The following RELCH variants were observed in gnomAD, a reference collection of about 807,000 sequenced individuals.
RELCH encodes the protein RAB11-binding protein RELCH.
A neutral mutation model predicts 150.3 loss-of-function variants in RELCH; 41 were observed. That is an observed-to-expected ratio of 0.27 (90% CI 0.21 to 0.35). The LOEUF (loss-of-function observed/expected upper bound fraction) is 0.35, where lower values mean the gene tolerates loss of function less well. RELCH is among the 10% of genes least tolerant of loss of function. RELCH has a pLI of 1.00. For missense variants in RELCH, 1,092 were observed against 1,467.8 expected (o/e 0.74, Z 4.18); for synonymous variants, 478 against 531.8 (o/e 0.90, Z 1.39).
At chr18:62,218,943 A>G (rs1003308553) in intron 2 of RELCH, among the ~76,000 whole-genome samples, 1 of 151,976 alleles carries the variant, frequency 6.6e-6, no homozygotes, top group African/African-American at 2.4e-5. Flanking sequence ...TGTAAATACA[A>G]CATTGCTATT....
At chr18:62,255,088 C>G (rs1223663609) in intron 12 of RELCH, among the ~76,000 whole-genome samples, 1 of 152,110 alleles carries the variant, frequency 6.6e-6, no homozygotes, top group Non-Finnish European at 1.5e-5. Flanking sequence ...TCTACTCTTG[C>G]TAGGGAAAGG....
chr18:62,218,259 A>C (rs1260819274), intron 2 of RELCH, among the ~76,000 whole-genome samples: 1 of 151,970 alleles, frequency 6.6e-6, no homozygotes, highest in Non-Finnish European at 1.5e-5. Context: ...ATAGCAAAAT[A>C]GATGACTCAG....
chr18:62,229,940 T>G (rs955839925), intron 8 of RELCH, among the ~76,000 whole-genome samples: 1 of 151,908 alleles, frequency 6.6e-6, no homozygotes, highest in Admixed American at 6.6e-5. Context: ...ATTTTAGAGG[T>G]TGGGACATGA....
intron 18 of RELCH, 59 bp downstream of exon 18, chr18:62,264,911 A>T: frequency 3.8e-6 from 5 of 1,314,926 alleles, no homozygotes; most frequent in Non-Finnish European, 5.3e-6. Flanking sequence ...GTAATGTGTT[A>T]ACACTGTAAC....
At position 62,291,774 on chromosome 18, in the gene RELCH, T is replaced by C. The variant is rs940237910; in HGVS notation, c.3459+143T>C. The C allele has an allele frequency of 2.2e-5, 13 of 596,880 alleles. No homozygotes were observed. The Admixed American group carries it at 4.2e-4, about 19-fold the overall frequency. The allele number at this position is 596,880 out of a possible 1,614,324, so 37.0% of individuals were successfully genotyped here. Reference sequence around the variant, plus strand: ...TCATTTTATCGATTTATTTACTAGATGCGATATCTTCAGCAACTCCTTTCA... The same window carrying C: ...TCATTTTATCGATTTATTTACTAGACGCGATATCTTCAGCAACTCCTTTCA... On this transcript the variant is annotated intron_variant, in intron 27 of 28. Transcript: ENST00000644646.
rs2045964148 is a variant in RELCH, at chr18:62,309,974, C to G, written c.*4440C>G. The G allele has an allele frequency of 2.6e-5, 4 of 152,112 alleles. No individual in the cohort carries two copies. 9.4% of individuals were successfully genotyped at this position (152,112 alleles called of 1,614,324 possible). The stretch of plus-strand genomic sequence containing the variant: ...CTGCTTCCCTCCTGGAAAAGTAACC[C>G]TTTCTTAATTGTTGGCATTTTAAAC... On this transcript the variant is annotated 3_prime_UTR_variant, in exon 29 of 29. Coordinates refer to ENST00000644646, the MANE Select transcript of RELCH (RefSeq NM_001346231.2).
At chr18:62,188,123 G>A (rs935139308) in intron 1 of RELCH, 92 bp downstream of exon 1, 142 of 1,351,556 alleles carry the variant, frequency 1.1e-4, no homozygotes, top group Non-Finnish European at 1.3e-4. Context: ...CGTGGGTCCC[G>A]ATAGGGACAT....
At chr18:62,196,562 A>G (rs2039065314) in intron 1 of RELCH, among the ~76,000 whole-genome samples, 1 of 152,154 alleles carries the variant, frequency 6.6e-6, no homozygotes. Flanking sequence ...TATTAAGTTC[A>G]CTGCTTTTAC....
rs781077914 is a variant in RELCH, at chr18:62,227,437, T to TTAC, written c.1008_1010dup (p.Thr337dup). ...GTAGAAGAAGATGAATTAGAGGCCC[T>TTAC]TACACCAATTATAAGCAACCTTCCT... On this transcript the variant is annotated inframe_insertion, in exon 6 of 29. Transcript: ENST00000644646. 1 of 1,613,180 alleles carries TTAC rather than the reference T, an allele frequency of 6.2e-7. No individual in the cohort carries two copies. The highest frequency in any genetic ancestry group is 1.1e-5 in the South Asian group (1 of 91,076).
At chr18:62,217,251 A>T (rs1476670246) in intron 2 of RELCH, among the ~76,000 whole-genome samples, 1 of 151,996 alleles carries the variant, frequency 6.6e-6, no homozygotes, top group Admixed American at 6.6e-5. Context: ...GGGAAAAAAG[A>T]AAAAGAGTTT....
At chr18:62,204,154 C>T (rs770457156) in intron 1 of RELCH, among the ~76,000 whole-genome samples, 13 of 151,938 alleles carry the variant, frequency 8.6e-5, no homozygotes, top group Non-Finnish European at 1.8e-4. Flanking sequence ...GATGATTTAT[C>T]TAGTCTTCTA....
At chr18:62,271,200 A>T (rs1384811957) in intron 20 of RELCH, among the ~76,000 whole-genome samples, 2 of 152,102 alleles carry the variant, frequency 1.3e-5, no homozygotes, top group South Asian at 2.1e-4. Context: ...TAGTTTACAG[A>T]CCCACCAACA....
chr18:62,231,235 G>T lies in RELCH; in HGVS notation c.1490G>T (p.Cys497Phe), dbSNP rs2148430626. The change falls in exon 9 of 29, where the codon TGT (cysteine) becomes TTT (phenylalanine). Residue 497 changes from cysteine to phenylalanine, a missense_variant. Coordinates refer to ENST00000644646, the MANE Select transcript of RELCH (RefSeq NM_001346231.2). ...TTCCATCAAGCACTACTCTCTTTTT[G>T]TCGAATGTCAGCAGATAGTCGTTTA... The part of the protein sequence containing the change: ...PAFHQALLSF[C>F]RMSADSRLGY... 2.5e-6 allele frequency: 4 copies of T among 1,608,194 alleles called. 1 individual carries two copies. In the South Asian group the frequency reaches 4.4e-5, roughly 18 times the overall value.
chr18:62,237,207 A>G (rs1396517167), intron 10 of RELCH, among the ~76,000 whole-genome samples: 2 of 151,832 alleles, frequency 1.3e-5, no homozygotes, highest in Non-Finnish European at 2.9e-5. Flanking sequence ...TGCCTAACTT[A>G]TGGTCTGTCC....
chr18:62,210,815 G>A (rs9320004), intron 1 of RELCH, among the ~76,000 whole-genome samples: 110,170 of 152,072 alleles, frequency 0.72, 40,241 homozygotes, highest in East Asian at 0.91. Context: ...ACTGGATTCT[G>A]TTCTTTCAGT....
chr18:62,207,755 G>T (rs910967850), intron 1 of RELCH, among the ~76,000 whole-genome samples: 1 of 152,164 alleles, frequency 6.6e-6, no homozygotes, highest in African/African-American at 2.4e-5. Flanking sequence ...TTGTACAACT[G>T]TCACCACTCT....
rs564092243 is a variant in RELCH at position 62,252,801 on chromosome 18, CT to C, written c.1824+49del. The stretch of plus-strand genomic sequence containing the variant: ...TCACCTAGCTATTATAGCCTGATTT[CT>C]TAAGAAGATACATAGTTTCCTTTTT... On this transcript the variant is annotated intron_variant, in intron 12 of 28. Transcript: ENST00000644646. 640 of 1,356,454 alleles carry C rather than the reference CT, an allele frequency of 4.7e-4. 3 individuals carry two copies. The African/African-American group carries it at 8.3e-3, about 17-fold the overall frequency. The allele number at this position is 1,356,454 out of a possible 1,614,324, so 84.0% of individuals were successfully genotyped here. A position where few individuals can be genotyped will look rare whatever the true frequency, so the allele number is the denominator to read the frequency against.
intron 9 of RELCH, 47 bp downstream of exon 9, chr18:62,231,316 GTTTTTCTTC>G (rs774725472): frequency 2.6e-5 from 31 of 1,199,754 alleles, no homozygotes; most frequent in Non-Finnish European, 2.9e-5. Flanking sequence ...ACATTCTACT[GTTTTTCTTC>G]TTTTTAAGTT....
intron 10 of RELCH, chr18:62,235,540 G>T (rs1246153664): frequency 1.3e-5 from 2 of 151,962 alleles, no homozygotes; most frequent in African/African-American, 4.8e-5. Flanking sequence ...GATCTCTTTG[G>T]GAGTATTGTC....
Sources: allele counts gnomAD v4.1 joint callset (sites outside exome capture counted in the v4.1 genomes callset), GRCh38; gene constraint gnomAD v4.1.1; transcripts MANE v1.5; gene names NCBI Gene and HGNC (gene_info 2026-07-23, HGNC 2026-07-21).